Variants in TXNL4A observed in about 807,000 individuals in gnomAD.
TXNL4A encodes the protein thioredoxin like 4A.
Under a neutral mutation model 14.6 loss-of-function variants are expected in TXNL4A, and 17 were observed. The observed-to-expected ratio is 1.16, with a 90% CI of 0.80 to 1.74. TXNL4A has a LOEUF of 1.74. Ranked by LOEUF, TXNL4A falls within the 40% of genes most tolerant of loss-of-function variation. The pLI is 0.00. For synonymous variants in TXNL4A, 83 were observed against 70.6 expected (o/e 1.18, Z -0.88); for missense variants, 74 against 195.2 (o/e 0.38, Z 3.70).
chr18:80,032,798 C>A (rs1290495028), intron 1 of TXNL4A, among the ~76,000 whole-genome samples: 1 of 152,208 alleles, frequency 6.6e-6, no homozygotes, highest in Non-Finnish European at 1.5e-5. Flanking sequence ...CGGGATCACG[C>A]CAGTGCCCTC....
At chr18:80,013,052 G>A (rs964262499) in intron 1 of TXNL4A, among the ~76,000 whole-genome samples, 5 of 148,758 alleles carry the variant, frequency 3.4e-5, no homozygotes, top group East Asian at 2.0e-4. Context: ...GTCAGCCCTC[G>A]ACACAAGGGT....
chr18:79,997,141 T>C (rs1350516945), intron 1 of TXNL4A, among the ~76,000 whole-genome samples: 3 of 152,036 alleles, frequency 2.0e-5, no homozygotes, highest in Admixed American at 1.3e-4. Flanking sequence ...AAGTGGAGCA[T>C]TTGCTTAAGG....
At chr18:79,974,769 G>A (rs974533315) in intron 2 of TXNL4A, among the ~76,000 whole-genome samples, 3 of 152,140 alleles carry the variant, frequency 2.0e-5, no homozygotes, top group African/African-American at 7.2e-5. Context: ...GTGAGCCACT[G>A]TGCCGGCCTG....
At chr18:79,978,740 T>C (rs550738446) in intron 1 of TXNL4A, among the ~76,000 whole-genome samples, 80 of 152,236 alleles carry the variant, frequency 5.3e-4, no homozygotes, top group African/African-American at 1.7e-3. Context: ...GTGATACGCC[T>C]GCCTTGGCCT....
At chr18:79,990,333 C>T (rs958024361), upstream of TXNL4A, among the ~76,000 whole-genome samples, 20 of 152,174 alleles carry the variant, frequency 1.3e-4, no homozygotes, top group African/African-American at 4.8e-4. Context: ...TTGAGTAAAG[C>T]AGAGGCACAG....
At position 79,993,601 on chromosome 18, in the gene TXNL4A, TTGTTGGGTTGTGTG is replaced by T. The variant is rs1599736431; in HGVS notation, c.-60-15914_-60-15901del. On this transcript the variant is annotated intron_variant, in intron 1 of 2. Transcript: ENST00000585474. The surrounding 1 kb of genome is among the most constrained non-coding windows in gnomAD (Gnocchi z 4.4). ...GCTTAGCTGTTTTGTTGTTTCCGTC[TTGTTGGGTTGTGTG>T]TGTTGGGTTGTGTGTGTGTTTCAGT... Among the ~76,000 whole-genome samples the T allele has an allele frequency of 4.6e-5, 7 of 152,208 alleles. No individual in the cohort carries two copies. In the South Asian group the frequency reaches 1.2e-3, roughly 27 times the overall value.
intron 1 of TXNL4A, among the ~76,000 whole-genome samples, chr18:80,016,360 A>G (rs372628919): frequency 0.056 from 8,508 of 151,908 alleles, 296 homozygotes; most frequent in African/African-American, 0.097. Flanking sequence ...GAAGCTCTTT[A>G]GTTTAATTAG....
chr18:79,975,909 CG>C (rs1263049721), intron 2 of TXNL4A, among the ~76,000 whole-genome samples: 1 of 152,112 alleles, frequency 6.6e-6, no homozygotes, highest in Non-Finnish European at 1.5e-5. Context: ...TTAGCCTCTC[CG>C]GATGGCCAAA....
At chr18:80,019,175 G>C (rs1312864443) in intron 1 of TXNL4A, among the ~76,000 whole-genome samples, 2 of 152,132 alleles carry the variant, frequency 1.3e-5, no homozygotes. Flanking sequence ...TGGTACCAAT[G>C]TACTGCATTA....
chr18:79,994,545 A>C (rs1391084929), intron 1 of TXNL4A, among the ~76,000 whole-genome samples: 1 of 151,282 alleles, frequency 6.6e-6, no homozygotes, highest in East Asian at 1.9e-4. Flanking sequence ...CAATCCTCCC[A>C]GGGGAAAGAT....
chr18:80,023,328 A>G (rs2051862341), intron 1 of TXNL4A, among the ~76,000 whole-genome samples: 1 of 152,200 alleles, frequency 6.6e-6, no homozygotes, highest in African/African-American at 2.4e-5. Context: ...CATAAAAGGA[A>G]AAAGAATTAG....
chr18:79,974,155 G>GTC (rs2051343790), intron 2 of TXNL4A, among the ~76,000 whole-genome samples: 1 of 152,184 alleles, frequency 6.6e-6, no homozygotes, highest in South Asian at 2.1e-4. Context: ...GCTCATGCCT[G>GTC]TAATCCCAAC....
intron 1 of TXNL4A, among the ~76,000 whole-genome samples, chr18:79,996,499 G>A (rs943743067): frequency 6.6e-6 from 1 of 152,156 alleles, no homozygotes; most frequent in South Asian, 2.1e-4. Context: ...GACATGCTCC[G>A]TTGGTCCCAT....
At chr18:80,007,289 G>A (rs375870065) in intron 1 of TXNL4A, among the ~76,000 whole-genome samples, 1 of 152,164 alleles carries the variant, frequency 6.6e-6, no homozygotes, top group African/African-American at 2.4e-5. Context: ...CTCAAAATGC[G>A]AGGTCCCTGA....
At chr18:79,991,701 A>G (rs7233895), upstream of TXNL4A, among the ~76,000 whole-genome samples, 3,071 of 152,302 alleles carry the variant, frequency 0.02, 92 homozygotes, top group African/African-American at 0.066. Flanking sequence ...TGGCTACACC[A>G]TTTTACATTC....
intron 2 of TXNL4A, chr18:79,977,292 C>T: frequency 2.3e-6 from 1 of 434,662 alleles, no homozygotes; most frequent in South Asian, 3.9e-5. Context: ...TTTTGATGAA[C>T]AGATTATAGT....
At chr18:79,996,103 C>CAAAATAAA (rs2051659764) in intron 1 of TXNL4A, among the ~76,000 whole-genome samples, 1 of 61,316 alleles carries the variant, frequency 1.6e-5, no homozygotes, top group Non-Finnish European at 2.7e-5. Flanking sequence ...GACTCTGACT[C>CAAAATAAA]AAAAAAAAAA....
chr18:80,006,222 AAAAATACG>A (rs1488545890), intron 1 of TXNL4A, among the ~76,000 whole-genome samples: 1 of 151,916 alleles, frequency 6.6e-6, no homozygotes, highest in Non-Finnish European at 1.5e-5. Context: ...TGTCTCTACT[AAAAATACG>A]AAAATTAGCC....
intron 1 of TXNL4A, among the ~76,000 whole-genome samples, chr18:80,002,644 T>A (rs1263383885): frequency 3.3e-5 from 5 of 152,148 alleles, no homozygotes; most frequent in Non-Finnish European, 7.4e-5. Flanking sequence ...CATGCCCATA[T>A]TTAGTATGAA....
Sources: gnomAD v4.1 joint callset for allele counts (sites outside exome capture counted in the v4.1 genomes callset) on GRCh38, gnomAD v4.1.1 for gene constraint, Gnocchi (gnomAD v3.1) non-coding constraint, MANE v1.5 for transcripts, NCBI Gene and HGNC (gene_info 2026-07-23, HGNC 2026-07-21) for gene names.